The following BAZ1A variants were observed in gnomAD, a reference collection of about 807,000 sequenced individuals.
The protein encoded by BAZ1A is bromodomain adjacent to zinc finger domain 1A.
A neutral mutation model predicts 185.2 loss-of-function variants in BAZ1A; 50 were observed. The ratio of observed to expected loss-of-function variants is 0.27; its 90% confidence interval spans 0.22 to 0.34. The LOEUF is 0.34. BAZ1A is among the 10% of genes least tolerant of loss of function. The probability of loss-of-function intolerance (pLI) is 1.00; values close to 1 mark genes in which losing one functional copy is unlikely to be tolerated. For missense variants in BAZ1A, 1,356 were observed against 1,839.9 expected (o/e 0.74, Z 4.81); for synonymous variants, 571 against 615.6 (o/e 0.93, Z 1.07).
At chr14:34,829,054 C>T (rs1007831738) in intron 3 of BAZ1A, among the ~76,000 whole-genome samples, 5 of 152,092 alleles carry the variant, frequency 3.3e-5, no homozygotes, top group Non-Finnish European at 7.4e-5. Context: ...TTGCTTGAGG[C>T]CAGGAGTTCA....
chr14:34,784,321 T>C (rs144110652), intron 14 of BAZ1A, among the ~76,000 whole-genome samples: 2,778 of 119,830 alleles, frequency 0.023, 113 homozygotes, highest in African/African-American at 0.087. Context: ...TGCGCCAAGA[T>C]CGCACCACTG....
chr14:34,868,914 G>GTGTA (rs985027364), intron 2 of BAZ1A, among the ~76,000 whole-genome samples: 2 of 141,982 alleles, frequency 1.4e-5, no homozygotes, highest in African/African-American at 2.5e-5. Flanking sequence ...GTGTGTGTGT[G>GTGTA]TGTGTGTGTG....
intron 12 of BAZ1A, among the ~76,000 whole-genome samples, chr14:34,792,408 T>C (rs1161134347): frequency 6.6e-6 from 1 of 151,554 alleles, no homozygotes; most frequent in Non-Finnish European, 1.5e-5. Flanking sequence ...ATTTCCTTAG[T>C]TGAGGGCCAA....
chr14:34,857,655 T>C (rs2042704289), intron 3 of BAZ1A, among the ~76,000 whole-genome samples: 2 of 152,336 alleles, frequency 1.3e-5, no homozygotes, highest in Middle Eastern at 3.4e-3. Context: ...TGCCATCTGA[T>C]TCAAAGTTCT....
intron 5 of BAZ1A, among the ~76,000 whole-genome samples, chr14:34,808,098 A>C (rs2041875497): frequency 6.6e-6 from 1 of 152,180 alleles, no homozygotes; most frequent in African/African-American, 2.4e-5. Flanking sequence ...TCTGTCTCAA[A>C]AAAAAAGAAA....
intron 4 of BAZ1A, among the ~76,000 whole-genome samples, chr14:34,811,620 A>C (rs531908082): frequency 1.3e-5 from 2 of 152,160 alleles, no homozygotes; most frequent in African/African-American, 4.8e-5. Flanking sequence ...GCCACTGTAC[A>C]TGGCCATGCA....
intron 9 of BAZ1A, among the ~76,000 whole-genome samples, chr14:34,799,948 GT>G (rs927546775): frequency 2.0e-5 from 3 of 152,042 alleles, no homozygotes; most frequent in African/African-American, 7.3e-5. Flanking sequence ...CCTCTTAAAG[GT>G]TTACATATAA....
chr14:34,781,838 A>G (rs542881591), intron 16 of BAZ1A, among the ~76,000 whole-genome samples: 40 of 152,318 alleles, frequency 2.6e-4, no homozygotes, highest in Non-Finnish European at 5.4e-4. Context: ...GTTCATCCAC[A>G]TGATAGCCTG....
intron 4 of BAZ1A, among the ~76,000 whole-genome samples, chr14:34,814,677 A>G (rs2041979761): frequency 6.6e-6 from 1 of 151,278 alleles, no homozygotes; most frequent in South Asian, 2.1e-4. Flanking sequence ...GTTTCTCCAC[A>G]TTGCCCAGGG....
At chr14:34,800,869 A>G (rs1243765617) in intron 8 of BAZ1A, among the ~76,000 whole-genome samples, 1 of 152,216 alleles carries the variant, frequency 6.6e-6, no homozygotes, top group Non-Finnish European at 1.5e-5. Flanking sequence ...GCACTAAGCA[A>G]TTTAATAGGG....
chr14:34,814,948 T>C (rs1011603117), intron 4 of BAZ1A, among the ~76,000 whole-genome samples: 2 of 151,916 alleles, frequency 1.3e-5, no homozygotes, highest in Admixed American at 6.6e-5. Context: ...TAATTTTATG[T>C]ATTTTTAGTA....
intron 11 of BAZ1A, among the ~76,000 whole-genome samples, chr14:34,794,421 C>CAA (rs767165534): frequency 6.6e-6 from 1 of 152,170 alleles, no homozygotes; most frequent in Non-Finnish European, 1.5e-5. Context: ...GGTGGCCTCT[C>CAA]ACTGCTCTGA....
chr14:34,799,430 A>T (rs1881383585), intron 9 of BAZ1A, among the ~76,000 whole-genome samples: 1 of 152,194 alleles, frequency 6.6e-6, no homozygotes, highest in African/African-American at 2.4e-5. Context: ...AAATGAGCAC[A>T]GAGCATGTAA....
At chr14:34,860,168 T>C (rs567699412) in intron 3 of BAZ1A, among the ~76,000 whole-genome samples, 7 of 152,126 alleles carry the variant, frequency 4.6e-5, no homozygotes, top group Non-Finnish European at 8.8e-5. Context: ...ACATTCAGAA[T>C]GTTGTACTTA....
intron 2 of BAZ1A, among the ~76,000 whole-genome samples, chr14:34,871,282 T>C (rs546282992): frequency 1.1e-4 from 16 of 152,350 alleles, no homozygotes; most frequent in African/African-American, 3.8e-4. Flanking sequence ...GATCTCAAAC[T>C]CTTGGCCTCA....
intron 20 of BAZ1A, among the ~76,000 whole-genome samples, chr14:34,772,757 G>A (rs1203402626): frequency 1.3e-5 from 2 of 152,232 alleles, no homozygotes; most frequent in East Asian, 3.9e-4. Context: ...CCGGCCAGGC[G>A]TGGTGGCTCA....
chr14:34,753,570 C>T lies in BAZ1A; in HGVS notation c.4609G>A (p.Val1537Ile), dbSNP rs544376472. The T allele has an allele frequency of 2.5e-5, 40 of 1,614,042 alleles. No individual in the cohort carries two copies. The highest frequency in any genetic ancestry group is 1.5e-4 in the Admixed American group (9 of 60,008). ...HIQAQKLGLH[V>I]TPSNVDQVST... ...ACTTGGTCCACATTACTGGGTGTGA[C>T]GTGGAGTCCAAGCTTTTGAGCCTGA... is the stretch of plus-strand genomic sequence containing the variant. The change falls in exon 27 of 27, where the codon GTC becomes ATC. Residue 1537 changes from valine to isoleucine, a missense_variant. Transcript: ENST00000360310.
At chr14:34,829,609 C>A (rs1304614690) in intron 3 of BAZ1A, among the ~76,000 whole-genome samples, 1 of 152,106 alleles carries the variant, frequency 6.6e-6, no homozygotes, top group Non-Finnish European at 1.5e-5. Context: ...ACCATTCCTA[C>A]AATTTTGGTC....
intron 3 of BAZ1A, among the ~76,000 whole-genome samples, chr14:34,860,518 T>C (rs1267656369): frequency 1.4e-5 from 1 of 70,608 alleles, no homozygotes; most frequent in Non-Finnish European, 2.5e-5. Context: ...TACCAAAAGT[T>C]AAAAAAAAAA....
Sources: allele counts gnomAD v4.1 joint callset (sites outside exome capture counted in the v4.1 genomes callset), GRCh38; gene constraint gnomAD v4.1.1; transcripts MANE v1.5; gene names NCBI Gene and HGNC (gene_info 2026-07-23, HGNC 2026-07-21).